Variants in SLC16A4 observed in about 807,000 individuals in gnomAD.
SLC16A4 encodes probable monocarboxylate transporter 5.
SLC16A4 carries 39 observed loss-of-function variants against 47.9 expected under a neutral mutation model. The ratio of observed to expected loss-of-function variants is 0.81; its 90% confidence interval spans 0.63 to 1.06. SLC16A4 has a LOEUF of 1.06. Ranked by LOEUF, SLC16A4 falls within the 50% of genes least tolerant of loss-of-function variation. The probability of loss-of-function intolerance (pLI) is 0.00; values close to 1 mark genes in which losing one functional copy is unlikely to be tolerated. For synonymous variants in SLC16A4, 189 were observed against 199.9 expected, an observed-to-expected ratio of 0.95 and a Z score of 0.46; for missense variants, 524 against 573.8, an observed-to-expected ratio of 0.91 and a Z score of 0.89.
chr1:110,368,541 T>TA (rs1356512257), intron 8 of SLC16A4, among the ~76,000 whole-genome samples: 1 of 152,230 alleles, frequency 6.6e-6, no homozygotes, highest in African/African-American at 2.4e-5. Flanking sequence ...AGTTGATTCT[T>TA]ACGCACAGTA....
At chr1:110,372,260 T>C (rs1661724724) in intron 8 of SLC16A4, 1 of 152,182 alleles carries the variant, frequency 6.6e-6, no homozygotes, top group Non-Finnish European at 1.5e-5. Context: ...TTATGAAAAG[T>C]TTTACTTTTG....
Position 110,363,669 on chromosome 1 carries a change from T to A in SLC16A4, c.*97A>T. ...ATTGTTTTCCTTCTCATGTTACAAATGTAGATGCGATGTGTTTCTTTCAAG... is the reference window on the plus strand; with the variant it reads ...ATTGTTTTCCTTCTCATGTTACAAAAGTAGATGCGATGTGTTTCTTTCAAG... On this transcript the variant is annotated 3_prime_UTR_variant, in exon 9 of 9. Coordinates refer to ENST00000369779, the MANE Select transcript of SLC16A4 (RefSeq NM_004696.3). 9.1e-7 allele frequency: 1 copy of A among 1,102,532 alleles called. No homozygotes were observed. Among genetic ancestry groups the A allele is most frequent in the Middle Eastern group, 2.4e-4 (1 of 4,188 alleles). The allele number at this position is 1,102,532 out of a possible 1,614,324, so 68.3% of individuals were successfully genotyped here.
intron 2 of SLC16A4, among the ~76,000 whole-genome samples, chr1:110,385,691 C>G (rs1313532151): frequency 6.6e-6 from 1 of 152,162 alleles, no homozygotes; most frequent in African/African-American, 2.4e-5. Flanking sequence ...TCAGAAATTG[C>G]AAAAGTGGTA....
intron 8 of SLC16A4, chr1:110,373,062 A>G (rs1661769696): frequency 6.6e-6 from 1 of 152,014 alleles, no homozygotes; most frequent in Non-Finnish European, 1.5e-5. Flanking sequence ...TGACCCAACA[A>G]ATTTATTTCA....
At chr1:110,364,400 G>A (rs1173963926) in intron 8 of SLC16A4, among the ~76,000 whole-genome samples, 1 of 151,536 alleles carries the variant, frequency 6.6e-6, no homozygotes, top group African/African-American at 2.4e-5. Context: ...TAAGTGCTAT[G>A]AAGGGAAGGT....
At chr1:110,375,215 T>A (rs1570638732) in intron 8 of SLC16A4, 7 of 386,944 alleles carry the variant, frequency 1.8e-5, no homozygotes, top group Non-Finnish European at 2.8e-5. Context: ...TAGACATAGA[T>A]CCAGTGTCTG....
chr1:110,368,704 T>G (rs1661529617), intron 8 of SLC16A4, among the ~76,000 whole-genome samples: 1 of 152,230 alleles, frequency 6.6e-6, no homozygotes, highest in Non-Finnish European at 1.5e-5. Flanking sequence ...GGGCTGAGCT[T>G]CTTTAAATAC....
rs557337076 is a variant in SLC16A4 at position 110,363,948 on chromosome 1, T to C, written c.1337-55A>G. 3.2e-6 allele frequency: 5 copies of C among 1,578,554 alleles called. No homozygotes were observed. In the Admixed American group the frequency reaches 7.4e-5, roughly 23 times the overall value. On this transcript the variant is annotated intron_variant, in intron 8 of 8. Coordinates refer to ENST00000369779, the MANE Select transcript of SLC16A4 (RefSeq NM_004696.3). ...AAGGAAATTTTGCCATTAGTAACTC[T>C]CAGCCATGAATAGCTCCTCAAAGCA...
chr1:110,363,680 T>G lies in SLC16A4; in HGVS notation c.*86A>C. ...TCTCATGTTACAAATGTAGATGCGA[T>G]GTGTTTCTTTCAAGCTTTTGTTTCC... On this transcript the variant is annotated 3_prime_UTR_variant, in exon 9 of 9. Coordinates refer to ENST00000369779, the MANE Select transcript of SLC16A4 (RefSeq NM_004696.3). 4 of 1,222,218 alleles carry G rather than the reference T, an allele frequency of 3.3e-6. No homozygotes were observed. Among genetic ancestry groups the G allele is most frequent in the Non-Finnish European group, 3.3e-6 (3 of 895,650 alleles). The allele number at this position is 1,222,218 out of a possible 1,614,324, so 75.7% of individuals were successfully genotyped here.
Position 110,377,157 on chromosome 1 carries a change from G to T in SLC16A4, c.1035C>A (p.Ile345=), listed in dbSNP as rs1193919374. The change falls in exon 7 of 9, where the codon ATC becomes ATA. Residue 345 remains isoleucine, a synonymous_variant. Coordinates refer to ENST00000369779, the MANE Select transcript of SLC16A4 (RefSeq NM_004696.3). ...AAATAATCTGACTGACCGTCTCAAG[G>T]ATACCTGGAACAATATTGAAATCTT... is the stretch of plus-strand genomic sequence containing the variant. ...DASYLVSVAG[I]LETVSQIISG... 1 of 1,612,830 alleles carries T rather than the reference G, an allele frequency of 6.2e-7. No individual in the cohort carries two copies. The highest frequency in any genetic ancestry group is 1.7e-5 in the Admixed American group (1 of 59,962).
In SLC16A4 at chr1:110,389,302, C is replaced by A. The variant is rs145802391; in HGVS notation, c.22G>T (p.Val8Phe). Residue 8 changes from valine to phenylalanine, a missense_variant, in exon 2 of 9, where the codon GTC becomes TTC. Transcript: ENST00000369779. MLKREGK[V>F]QPYTKTLDGG... The stretch of plus-strand genomic sequence containing the variant: ...TCCAGGGTTTTAGTGTAAGGTTGGA[C>A]CTTCCCCTCCCTCTTCAGCATGATG... 3.7e-6 allele frequency: 6 copies of A among 1,600,720 alleles called. No individual in the cohort carries two copies. The highest frequency in any genetic ancestry group is 4.3e-6 in the Non-Finnish European group (5 of 1,167,976).
intron 1 of SLC16A4, among the ~76,000 whole-genome samples, chr1:110,389,733 AC>A (rs1389659061): frequency 7.2e-5 from 11 of 151,762 alleles, no homozygotes; most frequent in Non-Finnish European, 1.2e-4. Flanking sequence ...ATAAAAAAGA[AC>A]AAAATCATAT....
chr1:110,380,537 A>G (rs1380637063), intron 5 of SLC16A4, among the ~76,000 whole-genome samples: 1 of 144,966 alleles, frequency 6.9e-6, no homozygotes, highest in Non-Finnish European at 1.5e-5. Flanking sequence ...TTTCTTTTTT[A>G]TCTATTTCAG....
chr1:110,365,131 C>G (rs1267314553), intron 8 of SLC16A4, among the ~76,000 whole-genome samples: 1 of 152,004 alleles, frequency 6.6e-6, no homozygotes, highest in Non-Finnish European at 1.5e-5. Context: ...ATCACTTATT[C>G]AAGAAATTTC....
intron 1 of SLC16A4, among the ~76,000 whole-genome samples, chr1:110,390,175 G>A (rs765210075): frequency 7.2e-5 from 11 of 152,060 alleles, no homozygotes; most frequent in African/African-American, 1.9e-4. Context: ...TACCTGGAAA[G>A]CCTGATCTCA....
At chr1:110,372,440 T>C (rs1205935014) in intron 8 of SLC16A4, 1 of 152,246 alleles carries the variant, frequency 6.6e-6, no homozygotes, top group Non-Finnish European at 1.5e-5. Context: ...TTAAAGACTT[T>C]TGATTCAATT....
intron 2 of SLC16A4, among the ~76,000 whole-genome samples, chr1:110,388,583 T>C (rs1317610413): frequency 6.6e-6 from 1 of 152,232 alleles, no homozygotes; most frequent in African/African-American, 2.4e-5. Flanking sequence ...GTGCTACTTT[T>C]GGGATGGTTA....
intron 8 of SLC16A4, chr1:110,375,257 T>G (rs967885332): frequency 1.6e-5 from 9 of 564,226 alleles, no homozygotes; most frequent in African/African-American, 1.5e-4. Flanking sequence ...AAGAATCTGC[T>G]TAAGGCACAT....
chr1:110,387,053 C>G (rs1662771781), intron 2 of SLC16A4, among the ~76,000 whole-genome samples: 1 of 152,178 alleles, frequency 6.6e-6, no homozygotes, highest in South Asian at 2.1e-4. Flanking sequence ...AAGAGCCATT[C>G]TCATCTCTTC....
Sources: gnomAD v4.1 joint callset for allele counts (sites outside exome capture counted in the v4.1 genomes callset) on GRCh38, gnomAD v4.1.1 for gene constraint, MANE v1.5 for transcripts, NCBI Gene and HGNC (gene_info 2026-07-23, HGNC 2026-07-21) for gene names.